ADAMTSL1: variants seen among roughly 807,000 people sequenced by gnomAD.
ADAMTSL1 encodes ADAMTS-like protein 1.
ADAMTSL1 carries 126 observed loss-of-function variants against 201.8 expected under a neutral mutation model. The observed-to-expected ratio is 0.62, with a 90% CI of 0.54 to 0.72. The LOEUF (loss-of-function observed/expected upper bound fraction) is 0.72. Ranked by LOEUF, ADAMTSL1 falls within the 30% of genes least tolerant of loss-of-function variation. The probability of loss-of-function intolerance (pLI) is 0.00; values close to 1 mark genes in which losing one functional copy is unlikely to be tolerated. For missense variants in ADAMTSL1, 2,679 were observed against 2,277.8 expected (o/e 1.18, Z -3.59); for synonymous variants, 1,121 against 903.4 (o/e 1.24, Z -4.32).
At chr9:18,381,944 C>A (rs777241870) in intron 2 of ADAMTSL1, among the ~76,000 whole-genome samples, 1 of 152,108 alleles carries the variant, frequency 6.6e-6, no homozygotes, top group African/African-American at 2.4e-5. Context: ...TTTTTCCCTT[C>A]CCTAGCATGT....
intron 2 of ADAMTSL1, among the ~76,000 whole-genome samples, chr9:18,381,785 G>A (rs371601905): frequency 3.3e-5 from 5 of 151,638 alleles, no homozygotes; most frequent in African/African-American, 1.2e-4. Flanking sequence ...AGCAGGAGAG[G>A]GGGGATTAGA....
At chr9:18,352,253 G>A (rs1836000330) in intron 2 of ADAMTSL1, among the ~76,000 whole-genome samples, 2 of 152,108 alleles carry the variant, frequency 1.3e-5, no homozygotes, top group Admixed American at 1.3e-4. Context: ...GTTTGGAAAA[G>A]GAAACAAACA....
intron 1 of ADAMTSL1, among the ~76,000 whole-genome samples, chr9:17,949,181 A>C (rs904768944): frequency 6.6e-6 from 1 of 152,218 alleles, no homozygotes; most frequent in Admixed American, 6.5e-5. Context: ...GTTGTATGCA[A>C]GATAATTACA....
In ADAMTSL1 at chr9:18,657,791, G is replaced by A. The variant is rs369647812; in HGVS notation, c.946+41G>A. 9.9e-4 allele frequency: 1,494 copies of A among 1,513,384 alleles called. 19 individuals carry two copies. Among genetic ancestry groups the A allele is most frequent in the South Asian group, 8.8e-4 (78 of 88,940 alleles). 93.7% of individuals were successfully genotyped at this position (1,513,384 alleles called of 1,614,324 possible). On this transcript the variant is annotated intron_variant, in intron 8 of 28. Transcript: ENST00000380548. Reference sequence around the variant, plus strand: ...TAGTCTAAAAACTGTTGGCTTCTGTGAGGAAATACTTGGGTATTATAAGAG... The same window carrying A: ...TAGTCTAAAAACTGTTGGCTTCTGTAAGGAAATACTTGGGTATTATAAGAG...
intron 2 of ADAMTSL1, among the ~76,000 whole-genome samples, chr9:18,214,930 C>T (rs922088493): frequency 7.2e-5 from 11 of 152,014 alleles, no homozygotes; most frequent in Non-Finnish European, 1.5e-4. Flanking sequence ...GTAGATCAGG[C>T]AGTAGTCTTT....
At chr9:18,289,719 C>G (rs1563861982) in intron 2 of ADAMTSL1, among the ~76,000 whole-genome samples, 1 of 152,130 alleles carries the variant, frequency 6.6e-6, no homozygotes, top group Non-Finnish European at 1.5e-5. Context: ...TGAGCTCTTT[C>G]CTCAAGTTTC....
At chr9:18,644,881 A>G (rs1710473956) in intron 7 of ADAMTSL1, among the ~76,000 whole-genome samples, 2 of 151,792 alleles carry the variant, frequency 1.3e-5, no homozygotes. Flanking sequence ...AGCATGATTT[A>G]TAGTCCTTTG....
rs368756746 is a variant in ADAMTSL1, at chr9:18,906,799, G to T, written c.5069G>T (p.Arg1690Leu). ...TGTGGCAACTACGGCTTCCAGTCCC[G>T]GCGTGTGGAGTGTGTGCATGCCCGC... is the stretch of plus-strand genomic sequence containing the variant. ...ATCGNYGFQS[R>L]RVECVHARTN... The change falls in exon 28 of 29, where the codon CGG becomes CTG. Residue 1690 changes from arginine (R) to leucine (L), a missense_variant. Physicochemically the swap from Arg to Leu is moderately radical, Grantham distance 102. Transcript: ENST00000380548. 1 of 1,613,992 alleles carries T rather than the reference G, an allele frequency of 6.2e-7. No homozygotes were observed. Among genetic ancestry groups the T allele is most frequent in the South Asian group, 1.1e-5 (1 of 91,086 alleles).
intron 1 of ADAMTSL1, among the ~76,000 whole-genome samples, chr9:17,996,641 G>A (rs754622785): frequency 4.6e-5 from 7 of 152,006 alleles, no homozygotes; most frequent in Non-Finnish European, 1.0e-4. Flanking sequence ...GCTCTCAGCT[G>A]CTGTTAGTTG....
chr9:18,117,841 A>G (rs1825319880), intron 1 of ADAMTSL1, among the ~76,000 whole-genome samples: 1 of 152,156 alleles, frequency 6.6e-6, no homozygotes, highest in Non-Finnish European at 1.5e-5. Context: ...GGACCTTTCT[A>G]ATAAAACCAT....
At chr9:18,173,814 C>T (rs1329458533) in intron 2 of ADAMTSL1, among the ~76,000 whole-genome samples, 1 of 152,068 alleles carries the variant, frequency 6.6e-6, no homozygotes, top group Admixed American at 6.6e-5. Flanking sequence ...TTTTGGGGGG[C>T]ATTTTCACGT....
At chr9:18,147,130 T>C (rs781511662) in intron 1 of ADAMTSL1, among the ~76,000 whole-genome samples, 1 of 152,136 alleles carries the variant, frequency 6.6e-6, no homozygotes, top group Non-Finnish European at 1.5e-5. Flanking sequence ...AATTCTACCA[T>C]TGGTCAGGGT....
At chr9:18,119,738 C>T (rs1026194341) in intron 1 of ADAMTSL1, among the ~76,000 whole-genome samples, 14 of 152,196 alleles carry the variant, frequency 9.2e-5, no homozygotes, top group Non-Finnish European at 1.8e-4. Flanking sequence ...ATAAGGTTGC[C>T]AGGCGTGGAG....
chr9:18,290,247 C>A (rs1359694372), intron 2 of ADAMTSL1, among the ~76,000 whole-genome samples: 1 of 151,606 alleles, frequency 6.6e-6, no homozygotes, highest in Non-Finnish European at 1.5e-5. Context: ...CTAGGTTGAT[C>A]TTTTCCTTGA....
intron 23 of ADAMTSL1, among the ~76,000 whole-genome samples, chr9:18,868,311 G>A (rs1222735531): frequency 6.6e-6 from 1 of 152,104 alleles, no homozygotes; most frequent in Non-Finnish European, 1.5e-5. Flanking sequence ...TCCATCGACT[G>A]ATTTTTGTCC....
chr9:18,073,058 G>A (rs191483681), intron 1 of ADAMTSL1, among the ~76,000 whole-genome samples: 28 of 152,294 alleles, frequency 1.8e-4, no homozygotes, highest in African/African-American at 6.5e-4. Context: ...TGTCCTCACA[G>A]CGTTATCTTC....
intron 1 of ADAMTSL1, among the ~76,000 whole-genome samples, chr9:18,014,691 T>G (rs1358366312): frequency 6.6e-6 from 1 of 151,792 alleles, no homozygotes; most frequent in Non-Finnish European, 1.5e-5. Context: ...AGGATCATGT[T>G]GGATCAGTGG....
chr9:18,631,831 T>C (rs1185692372), intron 5 of ADAMTSL1, among the ~76,000 whole-genome samples: 1 of 152,226 alleles, frequency 6.6e-6, no homozygotes, highest in Non-Finnish European at 1.5e-5. Flanking sequence ...ATCTGTGAAA[T>C]GACAGAATTT....
chr9:18,120,030 G>A (rs994136457), intron 1 of ADAMTSL1, among the ~76,000 whole-genome samples: 8 of 152,142 alleles, frequency 5.3e-5, no homozygotes, highest in African/African-American at 1.7e-4. Flanking sequence ...TTAAAACAAC[G>A]AATTTTTGTG....
Sources: gnomAD v4.1 joint callset for allele counts (sites outside exome capture counted in the v4.1 genomes callset) on GRCh38, gnomAD v4.1.1 for gene constraint, MANE v1.5 for transcripts, NCBI Gene and HGNC (gene_info 2026-07-23, HGNC 2026-07-21) for gene names.